Variants in ALDH1A2 observed in about 807,000 individuals in gnomAD.
ALDH1A2 encodes the protein retinal dehydrogenase 2.
In ALDH1A2, 27 loss-of-function variants were observed where a neutral mutation model predicts 60.3. The ratio of observed to expected loss-of-function variants is 0.45; its 90% confidence interval spans 0.33 to 0.62. The LOEUF (loss-of-function observed/expected upper bound fraction) is 0.62, where lower values mean the gene tolerates loss of function less well. Ranked by LOEUF, ALDH1A2 falls within the 20% of genes least tolerant of loss-of-function variation. The pLI, the probability that ALDH1A2 is intolerant of heterozygous loss-of-function variation, is 0.02. For synonymous variants in ALDH1A2, 289 were observed against 232.4 expected (o/e 1.24, Z -2.21); for missense variants, 581 against 643.8 (o/e 0.90, Z 1.06).
At position 57,961,184 on chromosome 15, in the gene ALDH1A2, G is replaced by T. The variant is rs745467454; in HGVS notation, c.1362C>A (p.Ile454=). The change falls in exon 11 of 13, where the codon ATC becomes ATA. Residue 454 remains isoleucine, a synonymous_variant. Coordinates refer to ENST00000249750, the MANE Select transcript of ALDH1A2 (RefSeq NM_003888.4). ...GLVAAVFTND[I]NKALTVSSAM... ...CAGAAGACACTGTGAGGGCCTTGTT[G>T]ATGTCATTAGTAAAGACAGCTGCTA... 6.2e-7 allele frequency: 1 copy of T among 1,614,020 alleles called. No homozygotes were observed. Among genetic ancestry groups the T allele is most frequent in the African/African-American group, 1.3e-5 (1 of 74,922 alleles).
chr15:57,989,671 CATCATGTAATGTTATATTCAGG>C (rs1894827921), intron 7 of ALDH1A2, among the ~76,000 whole-genome samples: 1 of 45,644 alleles, frequency 2.2e-5, no homozygotes. Context: ...TATGGAAATG[CATCATGTAATGTTATATTCAGG>C]CATCATGTAA....
intron 1 of ALDH1A2, among the ~76,000 whole-genome samples, chr15:58,046,621 C>T (rs1896645898): frequency 1.3e-5 from 2 of 152,080 alleles, no homozygotes; most frequent in Middle Eastern, 3.4e-3. Context: ...TTGTTTCCTC[C>T]TCCGTAAAAA....
chr15:57,971,506 T>C (rs1894065802), intron 7 of ALDH1A2, among the ~76,000 whole-genome samples: 1 of 152,300 alleles, frequency 6.6e-6, no homozygotes, highest in Non-Finnish European at 1.5e-5. Context: ...GCTCACTGCA[T>C]CCTTGAAATT....
intron 3 of ALDH1A2, among the ~76,000 whole-genome samples, chr15:58,012,359 C>CA (rs1209534742): frequency 1.3e-5 from 2 of 151,300 alleles, no homozygotes; most frequent in Non-Finnish European, 2.9e-5. Context: ...CTAGGATTAC[C>CA]AAAAAAAGGT....
At chr15:57,975,301 C>T (rs1461519015) in intron 7 of ALDH1A2, among the ~76,000 whole-genome samples, 2 of 152,236 alleles carry the variant, frequency 1.3e-5, no homozygotes, top group Admixed American at 1.3e-4. Context: ...TCCAAATGTT[C>T]ATCAGTGGCT....
At chr15:57,970,243 G>C (rs1359696047) in intron 7 of ALDH1A2, among the ~76,000 whole-genome samples, 1 of 152,178 alleles carries the variant, frequency 6.6e-6, no homozygotes, top group Non-Finnish European at 1.5e-5. Flanking sequence ...TTATGAAAGA[G>C]TAAGTGATAG....
At chr15:58,010,545 T>C (rs1474421608) in intron 4 of ALDH1A2, 104 bp downstream of exon 4, 1 of 1,467,234 alleles carries the variant, frequency 6.8e-7, no homozygotes, top group Non-Finnish European at 9.4e-7. Context: ...GCTGTAAGTG[T>C]GCTCATATCT....
intron 7 of ALDH1A2, among the ~76,000 whole-genome samples, chr15:57,969,645 A>G (rs1325087757): frequency 1.3e-5 from 2 of 152,218 alleles, no homozygotes; most frequent in Non-Finnish European, 2.9e-5. Context: ...TGATGATACC[A>G]AGTCCTATTC....
chr15:58,037,612 C>G (rs189463885), intron 1 of ALDH1A2, among the ~76,000 whole-genome samples: 2 of 151,662 alleles, frequency 1.3e-5, no homozygotes, highest in Admixed American at 1.3e-4. Context: ...TATTCACATT[C>G]TTGTGCATCA....
At chr15:58,027,537 C>G (rs1227138706) in intron 1 of ALDH1A2, among the ~76,000 whole-genome samples, 2 of 152,128 alleles carry the variant, frequency 1.3e-5, no homozygotes, top group African/African-American at 4.8e-5. Context: ...CAAAACTGCA[C>G]TGTGAATGAG....
intron 7 of ALDH1A2, among the ~76,000 whole-genome samples, chr15:57,970,622 T>C (rs1257552522): frequency 1.3e-5 from 2 of 152,184 alleles, no homozygotes; most frequent in East Asian, 3.8e-4. Context: ...CTGAACACAG[T>C]TTCTAAAGTT....
intron 1 of ALDH1A2, among the ~76,000 whole-genome samples, chr15:58,062,590 G>C (rs1161628708): frequency 6.6e-6 from 1 of 152,172 alleles, no homozygotes; most frequent in Non-Finnish European, 1.5e-5. Flanking sequence ...TCAGAATGCA[G>C]TCTTCTTAGG....
intron 7 of ALDH1A2, among the ~76,000 whole-genome samples, chr15:57,967,741 G>T (rs8031133): frequency 0.39 from 59,110 of 152,036 alleles, 12,771 homozygotes; most frequent in Non-Finnish European, 0.5. Flanking sequence ...CTAACACCTG[G>T]CCCTGAAGTT....
chr15:58,036,268 C>T (rs1896375127), intron 1 of ALDH1A2, among the ~76,000 whole-genome samples: 1 of 151,524 alleles, frequency 6.6e-6, no homozygotes, highest in African/African-American at 2.4e-5. Flanking sequence ...CAACAAATCA[C>T]TGGAAAATAA....
At position 58,018,530 on chromosome 15, in the gene ALDH1A2, T is replaced by C. The variant is rs577326172; in HGVS notation, c.118-4249A>G. Among the ~76,000 whole-genome samples, 3 of 152,272 alleles carry C rather than the reference T, an allele frequency of 2.0e-5. No individual in the cohort carries two copies. The East Asian group carries it at 5.8e-4, about 29-fold the overall frequency. Reference sequence around the variant, plus strand: ...AATATGCAATGAAAAATGTATGATGTATATTCATGTAGTTTCAAAATATCT... The same window carrying C: ...AATATGCAATGAAAAATGTATGATGCATATTCATGTAGTTTCAAAATATCT... On this transcript the variant is annotated intron_variant, in intron 1 of 12. Coordinates refer to ENST00000249750, the MANE Select transcript of ALDH1A2 (RefSeq NM_003888.4).
At chr15:57,976,710 T>C (rs991209894) in intron 7 of ALDH1A2, among the ~76,000 whole-genome samples, 7 of 152,208 alleles carry the variant, frequency 4.6e-5, no homozygotes, top group Non-Finnish European at 8.8e-5. Flanking sequence ...TTGTGAATAG[T>C]GCTGCAATAA....
chr15:58,054,442 A>C (rs1366980555), intron 1 of ALDH1A2, among the ~76,000 whole-genome samples: 4 of 152,124 alleles, frequency 2.6e-5, no homozygotes, highest in Non-Finnish European at 5.9e-5. Flanking sequence ...GTGTTGCTGA[A>C]ACTCAAAGTT....
At chr15:57,957,230 C>G (rs1893557973) in intron 12 of ALDH1A2, among the ~76,000 whole-genome samples, 2 of 152,154 alleles carry the variant, frequency 1.3e-5, no homozygotes, top group Non-Finnish European at 2.9e-5. Context: ...GAGTCACTGT[C>G]ATCCTCTTGG....
chr15:58,035,139 T>C (rs369359586), intron 1 of ALDH1A2, among the ~76,000 whole-genome samples: 16 of 151,776 alleles, frequency 1.1e-4, no homozygotes, highest in Admixed American at 6.6e-4. Context: ...CTTGAACAGA[T>C]ACAGGCCTAT....
Sources: gnomAD v4.1 joint callset for allele counts (sites outside exome capture counted in the v4.1 genomes callset) on GRCh38, gnomAD v4.1.1 for gene constraint, MANE v1.5 for transcripts, NCBI Gene and HGNC (gene_info 2026-07-23, HGNC 2026-07-21) for gene names.